The following MYLK4 variants were observed in gnomAD, a reference collection of about 807,000 sequenced individuals.
MYLK4 encodes the protein caMLCK like.
A neutral mutation model predicts 48.1 loss-of-function variants in MYLK4; 46 were observed. That is an observed-to-expected ratio of 0.96 (90% CI 0.75 to 1.22). The LOEUF is 1.22. MYLK4 is among the 50% of genes most tolerant of loss of function. The pLI, the probability that MYLK4 is intolerant of heterozygous loss-of-function variation, is 0.00. For synonymous variants in MYLK4, 170 were observed against 180.8 expected (o/e 0.94, Z 0.48); for missense variants, 451 against 486.1 (o/e 0.93, Z 0.68).
intron 2 of MYLK4, among the ~76,000 whole-genome samples, chr6:2,713,114 C>T (rs576748492): frequency 1.3e-5 from 2 of 152,188 alleles, no homozygotes; most frequent in African/African-American, 4.8e-5. Flanking sequence ...CTCATGCCTA[C>T]AATCCCAGAA....
chr6:2,745,209 G>C (rs1764041304), intron 2 of MYLK4, among the ~76,000 whole-genome samples: 1 of 152,108 alleles, frequency 6.6e-6, no homozygotes, highest in South Asian at 2.1e-4. Context: ...GGGGTGTGGG[G>C]GTGTATATGA....
intron 2 of MYLK4, among the ~76,000 whole-genome samples, chr6:2,694,556 CGT>C (rs1761973321): frequency 2.6e-3 from 8 of 3,074 alleles, no homozygotes; most frequent in Admixed American, 0.014. Context: ...TGGTGGTAGT[CGT>C]GGTGGTAGTG....
intron 2 of MYLK4, among the ~76,000 whole-genome samples, chr6:2,734,510 A>T (rs1421737713): frequency 6.6e-6 from 1 of 152,188 alleles, no homozygotes; most frequent in Non-Finnish European, 1.5e-5. Flanking sequence ...AAGGACTATT[A>T]TTAGAAATAT....
rs1423772686 is a variant in MYLK4 at position 2,664,975 on chromosome 6, C to T, written c.*2950G>A. ...GGCATGCCTTCTCCTTAATAACTTG[C>T]GAGGTTTATTTCTCTCCAGGCAGTG... On this transcript the variant is annotated 3_prime_UTR_variant, in exon 13 of 13. Coordinates refer to ENST00000274643, the MANE Select transcript of MYLK4 (RefSeq NM_001012418.5). The T allele has an allele frequency of 1.3e-5, 2 of 152,306 alleles. No homozygotes were observed. Among genetic ancestry groups the T allele is most frequent in the Admixed American group, 6.5e-5 (1 of 15,296 alleles). 9.4% of individuals were successfully genotyped at this position (152,306 alleles called of 1,614,324 possible). A position where few individuals can be genotyped will look rare whatever the true frequency, so the allele number is the denominator to read the frequency against.
At chr6:2,750,351 A>G (rs1312325979) in intron 1 of MYLK4, among the ~76,000 whole-genome samples, 1 of 152,252 alleles carries the variant, frequency 6.6e-6, no homozygotes, top group Non-Finnish European at 1.5e-5. Context: ...ACTTATCCAC[A>G]TAAAGAGCTT....
intron 2 of MYLK4, among the ~76,000 whole-genome samples, chr6:2,748,302 C>A (rs906777682): frequency 2.6e-5 from 4 of 152,188 alleles, no homozygotes; most frequent in African/African-American, 7.2e-5. Flanking sequence ...ACAAATAACA[C>A]GAGGTTTCCC....
At chr6:2,676,332 C>T (rs1009102571) in intron 10 of MYLK4, among the ~76,000 whole-genome samples, 6 of 152,092 alleles carry the variant, frequency 3.9e-5, no homozygotes, top group Admixed American at 3.9e-4. Context: ...CAAAAACAGG[C>T]AGAGGTAATT....
intron 6 of MYLK4, among the ~76,000 whole-genome samples, chr6:2,683,380 T>C (rs1761393895): frequency 2.1e-5 from 3 of 139,894 alleles, no homozygotes; most frequent in Non-Finnish European, 3.1e-5. Flanking sequence ...TCAAGCCAAC[T>C]CCCCACCTTT....
chr6:2,682,999 A>G, intron 7 of MYLK4, 22 bp downstream of exon 7: 1 of 1,614,154 alleles, frequency 6.2e-7, no homozygotes, highest in Admixed American at 1.7e-5. Flanking sequence ...CTTACGTCTC[A>G]CAGGATACAA....
chr6:2,707,789 A>C lies in MYLK4; in HGVS notation c.160-14930T>G, dbSNP rs76806552. 4.1e-3 allele frequency among the ~76,000 whole-genome samples: 626 copies of C among 152,348 alleles called. 3 individuals are homozygous for C. The highest frequency in any genetic ancestry group is 6.2e-3 in the Non-Finnish European group (422 of 68,034). On this transcript the variant is annotated intron_variant, in intron 2 of 12. Transcript: ENST00000274643. ...CAACACCTAAGAAAATCTGCATTCT[A>C]TAAAATTGAGACTTCAGATGCAAAA...
At chr6:2,714,975 A>G (rs1762814142) in intron 2 of MYLK4, among the ~76,000 whole-genome samples, 1 of 152,174 alleles carries the variant, frequency 6.6e-6, no homozygotes, top group South Asian at 2.1e-4. Flanking sequence ...TTTAATGGGT[A>G]CAGAGTTGGC....
rs767037305 is a variant in MYLK4 at position 2,673,653 on chromosome 6, A to C, written c.1119+1394T>G. ...GGCATGGCGTCTTGCCTGTATATGC[A>C]TCTTGCCAGTTGAACATCCTAGATG... On this transcript the variant is annotated intron_variant, in intron 11 of 12. Transcript: ENST00000274643. The surrounding 1 kb of genome is among the most constrained non-coding windows in gnomAD (Gnocchi z 4.2). 6.6e-6 allele frequency among the ~76,000 whole-genome samples: 1 copy of C among 152,260 alleles called. No individual in the cohort carries two copies. The highest frequency in any genetic ancestry group is 2.1e-4 in the South Asian group (1 of 4,836).
rs1358484062 is a variant in MYLK4 at position 2,664,583 on chromosome 6, T to G, written c.*3342A>C. ...TCCTAGTATCAAATCCATATTTTGA[T>G]TCTTAAAAGAGAAAAAAAAATTGCT... is the stretch of plus-strand genomic sequence containing the variant. On this transcript the variant is annotated 3_prime_UTR_variant, in exon 13 of 13. Coordinates refer to ENST00000274643, the MANE Select transcript of MYLK4 (RefSeq NM_001012418.5). 2 of 150,956 alleles carry G rather than the reference T, an allele frequency of 1.3e-5. No individual in the cohort carries two copies. Among genetic ancestry groups the G allele is most frequent in the African/African-American group, 5.0e-5 (2 of 40,228 alleles). 9.4% of individuals were successfully genotyped at this position (150,956 alleles called of 1,614,324 possible).
chr6:2,745,990 C>T (rs1218120130), intron 2 of MYLK4, among the ~76,000 whole-genome samples: 1 of 150,572 alleles, frequency 6.6e-6, no homozygotes, highest in African/African-American at 2.4e-5. Context: ...CGGTGGCTCA[C>T]GCCTGTAATC....
chr6:2,712,269 T>A (rs1293255665), intron 2 of MYLK4, among the ~76,000 whole-genome samples: 1 of 152,184 alleles, frequency 6.6e-6, no homozygotes, highest in African/African-American at 2.4e-5. Context: ...GGCTCCCTTT[T>A]GTCCATCAAC....
At position 2,720,353 on chromosome 6, in the gene MYLK4, G is replaced by A. The variant is rs534519414; in HGVS notation, c.160-27494C>T. On this transcript the variant is annotated intron_variant, in intron 2 of 12. Coordinates refer to ENST00000274643, the MANE Select transcript of MYLK4 (RefSeq NM_001012418.5). ...CGGGAGGCAGAGGTTGCAGTGAGCC[G>A]AGATCGCGCCACTACACTCCAGCCT... 4.6e-5 allele frequency among the ~76,000 whole-genome samples: 7 copies of A among 151,868 alleles called. No individual in the cohort carries two copies. In the South Asian group the frequency reaches 6.2e-4, roughly 14 times the overall value.
intron 2 of MYLK4, among the ~76,000 whole-genome samples, chr6:2,731,571 T>C (rs539139088): frequency 2.6e-5 from 4 of 152,162 alleles, no homozygotes; most frequent in Non-Finnish European, 5.9e-5. Flanking sequence ...CCCTACAGAT[T>C]AGATAAAATT....
At chr6:2,688,093 T>A (rs574934628) in intron 4 of MYLK4, among the ~76,000 whole-genome samples, 1 of 152,108 alleles carries the variant, frequency 6.6e-6, no homozygotes, top group South Asian at 2.1e-4. Context: ...AGAGTCTTAC[T>A]CTGTCACCAG....
intron 2 of MYLK4, among the ~76,000 whole-genome samples, chr6:2,703,405 A>G (rs1298706976): frequency 6.6e-6 from 1 of 152,224 alleles, no homozygotes; most frequent in African/African-American, 2.4e-5. Context: ...AGCAATGGAC[A>G]ACAGTGAAGA....
Sources: gnomAD v4.1 joint callset for allele counts (sites outside exome capture counted in the v4.1 genomes callset) on GRCh38, gnomAD v4.1.1 for gene constraint, Gnocchi (gnomAD v3.1) non-coding constraint, MANE v1.5 for transcripts, NCBI Gene and HGNC (gene_info 2026-07-23, HGNC 2026-07-21) for gene names.